OCA2: variants seen among roughly 807,000 people sequenced by gnomAD.
OCA2 encodes the protein OCA2 melanosomal transmembrane protein, also known as P protein.
In OCA2, 77 loss-of-function variants were observed where a neutral mutation model predicts 100.2. The observed-to-expected ratio is 0.77, with a 90% CI of 0.64 to 0.93. The LOEUF is 0.93. Among genes scored for constraint, OCA2 ranks in the 40% least tolerant of loss-of-function variants. OCA2 has a pLI of 0.00. For synonymous variants in OCA2, 432 were observed against 439.2 expected (o/e 0.98, Z 0.21); for missense variants, 1,062 against 1,089.1 (o/e 0.98, Z 0.35).
intron 21 of OCA2, among the ~76,000 whole-genome samples, chr15:27,858,534 C>G (rs2036023434): frequency 6.6e-6 from 1 of 151,230 alleles, no homozygotes; most frequent in African/African-American, 2.4e-5. Context: ...AAATAGTAAC[C>G]AAAATAGAAC....
chr15:27,912,573 CTT>C (rs1403959200), intron 19 of OCA2, among the ~76,000 whole-genome samples: 2 of 152,042 alleles, frequency 1.3e-5, no homozygotes, highest in Admixed American at 6.6e-5. Flanking sequence ...CATCCATGAA[CTT>C]TTACAAATGT....
At chr15:27,962,339 C>T (rs1408233529) in intron 15 of OCA2, among the ~76,000 whole-genome samples, 1 of 152,190 alleles carries the variant, frequency 6.6e-6, no homozygotes, top group Non-Finnish European at 1.5e-5. Flanking sequence ...TCAGATATCC[C>T]ATGTCTTACC....
rs993580369 is a variant in OCA2, at chr15:28,020,132, C to A, written c.647-1575G>T. 9.2e-5 allele frequency among the ~76,000 whole-genome samples: 14 copies of A among 152,120 alleles called. No homozygotes were observed. In the East Asian group the frequency reaches 2.5e-3, roughly 28 times the overall value. ...AGACAGCTCCCCGCCCCCACCCATC[C>A]CCACCCCCTGCCAAGAAAGGCAGGC... is the stretch of plus-strand genomic sequence containing the variant. On this transcript the variant is annotated intron_variant, in intron 6 of 23. Transcript: ENST00000354638.
At position 27,913,871 on chromosome 15, in the gene OCA2, GAA is replaced by G. The variant is rs1567097949; in HGVS notation, c.2079+12254_2079+12255del. On this transcript the variant is annotated intron_variant, in intron 19 of 23. Coordinates refer to ENST00000354638, the MANE Select transcript of OCA2 (RefSeq NM_000275.3). Reference sequence around the variant, plus strand: ...AGAAAGAAAGAAAGAAAGAAAGAAAGAAAGAAAGAAAGAAAGAAAGAAAGCAA... The same window carrying G: ...AGAAAGAAAGAAAGAAAGAAAGAAAGAGAAAGAAAGAAAGAAAGAAAGCAA... Among the ~76,000 whole-genome samples, 164 of 50,114 alleles carry G rather than the reference GAA, an allele frequency of 3.3e-3. 1 individual carries two copies. Among genetic ancestry groups the G allele is most frequent in the African/African-American group, 0.014 (145 of 10,118 alleles). The allele number at this position is 50,114 out of a possible 152,430, so 32.9% of individuals were successfully genotyped here. A position where few individuals can be genotyped will look rare whatever the true frequency, so the allele number is the denominator to read the frequency against.
intron 19 of OCA2, among the ~76,000 whole-genome samples, chr15:27,890,588 C>T (rs2037413939): frequency 6.6e-6 from 1 of 152,108 alleles, no homozygotes; most frequent in South Asian, 2.1e-4. Context: ...GCACTGTCAA[C>T]CATACATTCT....
intron 9 of OCA2, among the ~76,000 whole-genome samples, chr15:28,006,882 G>C (rs1195512762): frequency 6.6e-6 from 1 of 152,198 alleles, no homozygotes; most frequent in African/African-American, 2.4e-5. Flanking sequence ...ATTGGGTTTT[G>C]AAATGCAGCT....
intron 7 of OCA2, 22 bp downstream of exon 7, chr15:28,018,375 T>A: frequency 1.2e-6 from 2 of 1,612,244 alleles, no homozygotes; most frequent in African/African-American, 2.7e-5. Context: ...ACAATTCCTT[T>A]CAAATAAATT....
chr15:27,756,899 A>C lies in OCA2; in HGVS notation c.2433-1427T>G, dbSNP rs79642389. On this transcript the variant is annotated intron_variant, in intron 23 of 23. Transcript: ENST00000354638. ...TGGTTTTGCCGTGCTCCCAAGTGAG[A>C]GCCACTGATGTCTTGAGGATGGCAC... Among the ~76,000 whole-genome samples the C allele has an allele frequency of 4.0e-3, 609 of 152,326 alleles. 7 individuals carry two copies. Among genetic ancestry groups the C allele is most frequent in the African/African-American group, 0.014 (581 of 41,570 alleles).
At chr15:28,038,655 C>T (rs1370223084) in intron 2 of OCA2, among the ~76,000 whole-genome samples, 1 of 151,776 alleles carries the variant, frequency 6.6e-6, no homozygotes, top group African/African-American at 2.4e-5. Flanking sequence ...ACTGAAAAAC[C>T]GAAAAAAACA....
chr15:27,804,541 C>T (rs754433620), intron 23 of OCA2, among the ~76,000 whole-genome samples: 5 of 152,186 alleles, frequency 3.3e-5, no homozygotes, highest in Non-Finnish European at 5.9e-5. Context: ...AGCACTTGCA[C>T]GTAGAATGTT....
At chr15:27,864,457 C>G (rs2036247560) in intron 21 of OCA2, among the ~76,000 whole-genome samples, 1 of 152,090 alleles carries the variant, frequency 6.6e-6, no homozygotes, top group Non-Finnish European at 1.5e-5. Flanking sequence ...AGCTAAAGCT[C>G]AAATGAAATG....
At chr15:28,049,339 A>G (rs188481444) in intron 2 of OCA2, among the ~76,000 whole-genome samples, 2 of 152,348 alleles carry the variant, frequency 1.3e-5, no homozygotes, top group Admixed American at 1.3e-4. Context: ...TGGTGAGTAT[A>G]TAGAGAAACC....
At chr15:27,782,373 C>G (rs1006630991) in intron 23 of OCA2, among the ~76,000 whole-genome samples, 1 of 152,160 alleles carries the variant, frequency 6.6e-6, no homozygotes, top group African/African-American at 2.4e-5. Flanking sequence ...GAGTGTCTCC[C>G]AACAGAACTT....
At chr15:27,787,783 T>TTC (rs1255088449) in intron 23 of OCA2, among the ~76,000 whole-genome samples, 1 of 151,984 alleles carries the variant, frequency 6.6e-6, no homozygotes, top group Non-Finnish European at 1.5e-5. Context: ...TAATTTAGTT[T>TTC]GCTCTTCTTT....
chr15:27,818,790 C>G (rs1359431526), intron 23 of OCA2, among the ~76,000 whole-genome samples: 2 of 152,204 alleles, frequency 1.3e-5, no homozygotes, highest in Non-Finnish European at 2.9e-5. Context: ...TTCCAAGATG[C>G]ATGCACAGCC....
the OCA2 span, among the ~76,000 whole-genome samples, chr15:27,735,993 A>G: frequency 6.6e-6 from 1 of 152,356 alleles, no homozygotes; most frequent in East Asian, 1.9e-4. Context: ...TGTTCTCACC[A>G]CATAAATGAT....
At chr15:27,941,788 A>T (rs1567133875) in intron 18 of OCA2, among the ~76,000 whole-genome samples, 1 of 152,242 alleles carries the variant, frequency 6.6e-6, no homozygotes, top group African/African-American at 2.4e-5. Context: ...TCTTCATAGC[A>T]AAAGAAGGCT....
chr15:27,895,819 G>C, intron 19 of OCA2: 1 of 467,108 alleles, frequency 2.1e-6, no homozygotes, highest in African/African-American at 2.0e-5. Context: ...TGGTGATACA[G>C]GACAAAAATA....
At chr15:27,781,368 T>C (rs1211177776) in intron 23 of OCA2, among the ~76,000 whole-genome samples, 1 of 152,236 alleles carries the variant, frequency 6.6e-6, no homozygotes, top group Admixed American at 6.5e-5. Flanking sequence ...GAGTAAGAGC[T>C]AGTTTCTCAG....
Sources: allele counts gnomAD v4.1 joint callset (sites outside exome capture counted in the v4.1 genomes callset), GRCh38; gene constraint gnomAD v4.1.1; transcripts MANE v1.5; gene names NCBI Gene and HGNC (gene_info 2026-07-23, HGNC 2026-07-21).